The following OSBPL6 variants were observed in gnomAD, a reference collection of about 807,000 sequenced individuals.
The protein encoded by OSBPL6 is oxysterol-binding protein-related protein 6.
In OSBPL6, 49 loss-of-function variants were observed where a neutral mutation model predicts 125.8. The ratio of observed to expected loss-of-function variants is 0.39; its 90% CI spans 0.31 to 0.49. OSBPL6 has a LOEUF of 0.49. OSBPL6 is among the 20% of genes least tolerant of loss of function. The pLI, the probability that OSBPL6 is intolerant of heterozygous loss-of-function variation, is 0.88. For synonymous variants in OSBPL6, 394 were observed against 391.8 expected, an observed-to-expected ratio of 1.01 and a Z score of -0.07; for missense variants, 986 against 1,135.4, an observed-to-expected ratio of 0.87 and a Z score of 1.89.
chr2:178,319,758 C>G (rs1414004186), intron 3 of OSBPL6, among the ~76,000 whole-genome samples: 1 of 152,172 alleles, frequency 6.6e-6, no homozygotes, highest in African/African-American at 2.4e-5. Flanking sequence ...TTGCTACGTT[C>G]AAAGTAGCAG....
At chr2:178,317,785 TA>T (rs1487817529) in intron 3 of OSBPL6, among the ~76,000 whole-genome samples, 5 of 152,094 alleles carry the variant, frequency 3.3e-5, no homozygotes, top group African/African-American at 1.2e-4. Context: ...ATTATCATAC[TA>T]AAAAATCCTT....
chr2:178,282,889 G>A (rs575720775), intron 1 of OSBPL6, among the ~76,000 whole-genome samples: 1 of 152,278 alleles, frequency 6.6e-6, no homozygotes, highest in Non-Finnish European at 1.5e-5. Flanking sequence ...CTGACCTCAG[G>A]TGATTCACCC....
intron 1 of OSBPL6, among the ~76,000 whole-genome samples, chr2:178,220,982 C>T (rs1305170207): frequency 6.6e-6 from 1 of 152,192 alleles, no homozygotes; most frequent in African/African-American, 2.4e-5. Context: ...AGGCTGTGTC[C>T]ATTAAGCCAG....
Position 178,254,142 on chromosome 2 carries a change from C to T in OSBPL6, c.-350-30785C>T, listed in dbSNP as rs376727417. Among the ~76,000 whole-genome samples the T allele has an allele frequency of 8.7e-4, 133 of 152,172 alleles. 1 individual carries two copies. Among genetic ancestry groups the T allele is most frequent in the African/African-American group, 3.1e-3 (130 of 41,544 alleles). ...GGTATGGTGGCTTATGCCTGTAATC[C>T]CAACACTTTGGGAGGCCGAGGTGGG... On this transcript the variant is annotated intron_variant, in intron 1 of 24. Transcript: ENST00000190611.
intron 2 of OSBPL6, among the ~76,000 whole-genome samples, chr2:178,298,016 C>T (rs772049019): frequency 1.5e-4 from 23 of 152,206 alleles, no homozygotes; most frequent in Admixed American, 3.3e-4. Context: ...CAACTCTTCC[C>T]ATTTCCTCCT....
chr2:178,281,463 G>C (rs1684165979), intron 1 of OSBPL6, among the ~76,000 whole-genome samples: 1 of 152,036 alleles, frequency 6.6e-6, no homozygotes, highest in African/African-American at 2.4e-5. Context: ...GTAAGGAAGG[G>C]GTCCAGTTTC....
intron 1 of OSBPL6, among the ~76,000 whole-genome samples, chr2:178,242,307 C>CT (rs1199820548): frequency 1.2e-4 from 19 of 152,326 alleles, no homozygotes; most frequent in Admixed American, 3.3e-4. Flanking sequence ...CCTGCCTTTT[C>CT]TTTCTTCACT....
chr2:178,215,639 G>A (rs577173184), intron 1 of OSBPL6, among the ~76,000 whole-genome samples: 8 of 152,088 alleles, frequency 5.3e-5, no homozygotes, highest in Non-Finnish European at 1.0e-4. Context: ...GGGGAGTGTC[G>A]TGTTCCTGTG....
At chr2:178,195,529 G>A (rs1238089829) in intron 1 of OSBPL6, among the ~76,000 whole-genome samples, 1 of 152,196 alleles carries the variant, frequency 6.6e-6, no homozygotes, top group Non-Finnish European at 1.5e-5. Context: ...CATCTGCAAG[G>A]CACCTTTTAA....
chr2:178,197,555 C>T (rs1260477443), intron 1 of OSBPL6, among the ~76,000 whole-genome samples: 1 of 152,064 alleles, frequency 6.6e-6, no homozygotes, highest in Non-Finnish European at 1.5e-5. Flanking sequence ...TGCTTCTTTT[C>T]CATGCATAGA....
chr2:178,256,317 G>C (rs564673328), intron 1 of OSBPL6, among the ~76,000 whole-genome samples: 1 of 152,320 alleles, frequency 6.6e-6, no homozygotes, highest in South Asian at 2.1e-4. Context: ...TTTGCTAACA[G>C]GGTGATATAA....
chr2:178,231,638 ATTTTTTTTT>A (rs71023433), intron 1 of OSBPL6, among the ~76,000 whole-genome samples: 3 of 84,572 alleles, frequency 3.5e-5, no homozygotes, highest in Admixed American at 1.4e-4. Flanking sequence ...GGGTGGTCCC[ATTTTTTTTT>A]TTTTTTTTTT....
At chr2:178,390,891 C>G (rs971973232) in intron 21 of OSBPL6, among the ~76,000 whole-genome samples, 182 bp from the exon 22 acceptor site, 2 of 152,172 alleles carry the variant, frequency 1.3e-5, no homozygotes, top group African/African-American at 4.8e-5. Context: ...CCATCCCTTT[C>G]TTGAAAGTTA....
rs2154032957 is a variant in OSBPL6, at chr2:178,285,088, G to A, written c.-189G>A. The A allele has an allele frequency of 2.5e-6, 1 of 398,496 alleles. No individual in the cohort carries two copies. Among genetic ancestry groups the A allele is most frequent in the African/African-American group, 2.1e-5 (1 of 48,736 alleles). The allele number at this position is 398,496 out of a possible 1,614,324, so 24.7% of individuals were successfully genotyped here. On this transcript the variant is annotated 5_prime_UTR_variant, in exon 2 of 25. Transcript: ENST00000190611. The stretch of plus-strand genomic sequence containing the variant: ...ACTGTGAAACAGCTTTGACCATAAA[G>A]CTGACTTGGAAGACTTTGACTCCAA...
intron 1 of OSBPL6, among the ~76,000 whole-genome samples, chr2:178,196,020 T>G (rs1441156832): frequency 4.6e-5 from 7 of 151,062 alleles, no homozygotes; most frequent in African/African-American, 1.7e-4. Context: ...AACCCCCGCT[T>G]TATTTTTTGG....
At chr2:178,252,660 C>T (rs2091738328) in intron 1 of OSBPL6, among the ~76,000 whole-genome samples, 1 of 152,132 alleles carries the variant, frequency 6.6e-6, no homozygotes, top group South Asian at 2.1e-4. Flanking sequence ...ACAAGATTAG[C>T]TTACTTGAGG....
rs528659323 is a variant in OSBPL6 at position 178,197,909 on chromosome 2, C to T, written c.-351+3235C>T. On this transcript the variant is annotated intron_variant, in intron 1 of 24. Coordinates refer to ENST00000190611, the MANE Select transcript of OSBPL6 (RefSeq NM_032523.4). ...AGATATTAGTTGAAAGATGAAGATG[C>T]AGTCCCTATGCATAGGCATGAGTTG... is the stretch of plus-strand genomic sequence containing the variant. Among the ~76,000 whole-genome samples, 16 of 152,266 alleles carry T rather than the reference C, an allele frequency of 1.1e-4. No homozygotes were observed. The South Asian group carries it at 3.3e-3, about 32-fold the overall frequency.
chr2:178,297,693 G>A (rs1159209140), intron 2 of OSBPL6, among the ~76,000 whole-genome samples: 1 of 152,150 alleles, frequency 6.6e-6, no homozygotes, highest in Non-Finnish European at 1.5e-5. Flanking sequence ...ATATATGTAT[G>A]TGTATGTATA....
chr2:178,274,675 G>A (rs747328670), intron 1 of OSBPL6, among the ~76,000 whole-genome samples: 23 of 152,100 alleles, frequency 1.5e-4, no homozygotes, highest in Non-Finnish European at 3.2e-4. Context: ...TAAACACAAT[G>A]TATGTCTACA....
Sources: allele counts gnomAD v4.1 joint callset (sites outside exome capture counted in the v4.1 genomes callset), GRCh38; gene constraint gnomAD v4.1.1; transcripts MANE v1.5; gene names NCBI Gene and HGNC (gene_info 2026-07-23, HGNC 2026-07-21).